Variants in GRID2 observed in about 807,000 individuals in gnomAD.
GRID2 encodes the protein glutamate receptor ionotropic, delta-2.
Under a neutral mutation model 114.8 loss-of-function variants are expected in GRID2, and 33 were observed. The ratio of observed to expected loss-of-function variants is 0.29; its 90% CI spans 0.22 to 0.38. The LOEUF is 0.38. Among genes scored for constraint, GRID2 ranks in the 10% least tolerant of loss-of-function variants. The pLI, the probability that GRID2 is intolerant of heterozygous loss-of-function variation, is 1.00. For missense variants in GRID2, 1,184 were observed against 1,257.7 expected (o/e 0.94, Z 0.89); for synonymous variants, 505 against 449.9 (o/e 1.12, Z -1.55).
intron 1 of GRID2, among the ~76,000 whole-genome samples, chr4:92,431,882 C>T (rs1345738548): frequency 1.3e-5 from 2 of 152,198 alleles, no homozygotes; most frequent in Non-Finnish European, 2.9e-5. Context: ...AAAAGGCTTT[C>T]CAAATAGTCA....
intron 1 of GRID2, among the ~76,000 whole-genome samples, chr4:92,485,336 ATATATATAT>A (rs1560662951): frequency 9.1e-5 from 9 of 98,548 alleles, no homozygotes; most frequent in Non-Finnish European, 1.5e-4. Context: ...ATATATATAT[ATATATATAT>A]ATAGTGTGTG....
intron 8 of GRID2, among the ~76,000 whole-genome samples, chr4:93,324,746 C>A (rs186219649): frequency 0.078 from 11,872 of 152,098 alleles, 534 homozygotes; most frequent in Non-Finnish European, 0.1. Flanking sequence ...GATTCAACTT[C>A]TTCCTGGTTT....
intron 2 of GRID2, among the ~76,000 whole-genome samples, chr4:92,911,461 G>A (rs1748375829): frequency 6.6e-6 from 1 of 152,078 alleles, no homozygotes; most frequent in Admixed American, 6.6e-5. Flanking sequence ...ATTTATTTCT[G>A]CAGGTAGTTA....
intron 4 of GRID2, among the ~76,000 whole-genome samples, chr4:93,136,089 A>T (rs1354584059): frequency 6.6e-6 from 1 of 152,172 alleles, no homozygotes; most frequent in Non-Finnish European, 1.5e-5. Flanking sequence ...TATTATGCCC[A>T]TTGTATAGAT....
intron 2 of GRID2, among the ~76,000 whole-genome samples, chr4:93,014,955 A>G (rs1463474118): frequency 1.3e-5 from 2 of 152,106 alleles, no homozygotes; most frequent in African/African-American, 4.8e-5. Context: ...TGGAAAAATA[A>G]AAAGATGGTG....
intron 2 of GRID2, among the ~76,000 whole-genome samples, chr4:92,966,700 CT>C (rs1416350656): frequency 4.0e-5 from 6 of 151,856 alleles, no homozygotes; most frequent in Non-Finnish European, 8.8e-5. Flanking sequence ...CTTTCTTCAC[CT>C]TTTGCCATGA....
At chr4:92,541,993 T>C (rs1367708970) in intron 1 of GRID2, among the ~76,000 whole-genome samples, 1 of 152,176 alleles carries the variant, frequency 6.6e-6, no homozygotes, top group South Asian at 2.1e-4. Context: ...GTTTGTGTTC[T>C]TTTTTATTTT....
At chr4:93,752,483 G>A (rs184596996) in intron 14 of GRID2, among the ~76,000 whole-genome samples, 2,402 of 152,160 alleles carry the variant, frequency 0.016, 37 homozygotes, top group Middle Eastern at 0.027. Flanking sequence ...CCCTTCTCCT[G>A]CCTCAGCCTC....
chr4:92,393,546 C>T (rs1730350020), intron 1 of GRID2, among the ~76,000 whole-genome samples: 1 of 152,116 alleles, frequency 6.6e-6, no homozygotes, highest in African/African-American at 2.4e-5. Flanking sequence ...TTATATGTGG[C>T]ATACAGTTAA....
intron 1 of GRID2, among the ~76,000 whole-genome samples, chr4:92,352,211 T>C (rs575888765): frequency 6.6e-6 from 1 of 152,044 alleles, no homozygotes; most frequent in South Asian, 2.1e-4. Context: ...TGATATGGCA[T>C]TGTGGTTTTG....
rs144800570 is a variant in GRID2, at chr4:93,518,257, T to C, written c.2193+2846T>C. Among the ~76,000 whole-genome samples the C allele has an allele frequency of 1.4e-4, 21 of 151,866 alleles. No individual in the cohort carries two copies. The East Asian group carries it at 3.0e-3, about 21-fold the overall frequency. ...TAAGTTTCTCTTACTCGAAGGTAGA[T>C]ACCGATCTCATCTACCATCTTGTTT... On this transcript the variant is annotated intron_variant, in intron 13 of 15. Coordinates refer to ENST00000282020, the MANE Select transcript of GRID2 (RefSeq NM_001510.4).
chr4:92,486,960 A>G (rs1412497235), intron 1 of GRID2, among the ~76,000 whole-genome samples: 1 of 151,966 alleles, frequency 6.6e-6, no homozygotes, highest in East Asian at 1.9e-4. Flanking sequence ...TGTTCATTTC[A>G]TATAAATTAT....
intron 4 of GRID2, among the ~76,000 whole-genome samples, chr4:93,119,462 G>C (rs1442222775): frequency 6.6e-6 from 1 of 152,094 alleles, no homozygotes; most frequent in Non-Finnish European, 1.5e-5. Context: ...TAGTGTTTGG[G>C]TTTGAGAAGA....
chr4:92,536,008 C>A (rs1182226697), intron 1 of GRID2, among the ~76,000 whole-genome samples: 1 of 152,262 alleles, frequency 6.6e-6, no homozygotes, highest in East Asian at 1.9e-4. Context: ...TGTTACAGCT[C>A]ATAAAGGCGT....
At chr4:93,729,372 A>T (rs1003582213) in intron 14 of GRID2, among the ~76,000 whole-genome samples, 1 of 152,178 alleles carries the variant, frequency 6.6e-6, no homozygotes, top group Non-Finnish European at 1.5e-5. Flanking sequence ...CAGTTTAGAA[A>T]AGAAATAAAA....
At chr4:92,703,316 C>A (rs182690736) in intron 2 of GRID2, among the ~76,000 whole-genome samples, 131 of 152,028 alleles carry the variant, frequency 8.6e-4, no homozygotes, top group Non-Finnish European at 1.7e-3. Context: ...CTGTTGAAAG[C>A]AAGGTTTTGG....
At chr4:93,033,405 C>T (rs532061694) in intron 2 of GRID2, among the ~76,000 whole-genome samples, 2 of 152,114 alleles carry the variant, frequency 1.3e-5, no homozygotes, top group Non-Finnish European at 2.9e-5. Context: ...GGTTGTCCTC[C>T]CCTCGTGAAG....
intron 14 of GRID2, among the ~76,000 whole-genome samples, chr4:93,680,299 C>A (rs1725382788): frequency 6.6e-6 from 1 of 151,910 alleles, no homozygotes; most frequent in South Asian, 2.1e-4. Flanking sequence ...GCTTACCAAC[C>A]AAAAAGAGTC....
chr4:93,797,059 C>G (rs1396381630), intron 1 of GRID2, among the ~76,000 whole-genome samples: 3 of 152,148 alleles, frequency 2.0e-5, no homozygotes, highest in African/African-American at 4.8e-5. Context: ...GCTACAAACC[C>G]TACAGCATGT....
Sources: gnomAD v4.1 joint callset for allele counts (sites outside exome capture counted in the v4.1 genomes callset) on GRCh38, gnomAD v4.1.1 for gene constraint, MANE v1.5 for transcripts, NCBI Gene and HGNC (gene_info 2026-07-23, HGNC 2026-07-21) for gene names.